The following PCDH7 variants were observed in gnomAD, a reference collection of about 807,000 sequenced individuals.
The protein encoded by PCDH7 is protocadherin 7.
In PCDH7, 17 loss-of-function variants were observed where a neutral mutation model predicts 58.9. The ratio of observed to expected loss-of-function variants is 0.29; its 90% CI spans 0.20 to 0.43. The LOEUF is 0.43. Among genes scored for constraint, PCDH7 ranks in the 20% least tolerant of loss-of-function variants. The pLI, the probability that PCDH7 is intolerant of heterozygous loss-of-function variation, is 1.00. For missense variants in PCDH7, 1,274 were observed against 1,441.0 expected (o/e 0.88, Z 1.88); for synonymous variants, 664 against 616.4 (o/e 1.08, Z -1.14).
chr4:31,036,612 A>C (rs886690390), intron 3 of PCDH7, among the ~76,000 whole-genome samples: 1 of 152,202 alleles, frequency 6.6e-6, no homozygotes, highest in Non-Finnish European at 1.5e-5. Context: ...TAGAGAGTGA[A>C]CTATATAATG....
At chr4:30,986,444 C>T (rs1217441335) in intron 3 of PCDH7, among the ~76,000 whole-genome samples, 1 of 152,012 alleles carries the variant, frequency 6.6e-6, no homozygotes, top group African/African-American at 2.4e-5. Context: ...AAAAAACCCA[C>T]CTATTTCTAC....
chr4:30,857,496 A>G (rs1030395238), intron 1 of PCDH7, among the ~76,000 whole-genome samples: 1 of 152,142 alleles, frequency 6.6e-6, no homozygotes, highest in Non-Finnish European at 1.5e-5. Context: ...AACTTCCTGC[A>G]AATCTTACAA....
chr4:30,891,667 T>C (rs1267142118), intron 1 of PCDH7, among the ~76,000 whole-genome samples: 1 of 152,074 alleles, frequency 6.6e-6, no homozygotes, highest in African/African-American at 2.4e-5. Flanking sequence ...AACTCCATCA[T>C]GGGAAGGGCA....
intron 1 of PCDH7, among the ~76,000 whole-genome samples, chr4:30,831,760 A>G (rs1005702710): frequency 6.6e-5 from 10 of 152,156 alleles, no homozygotes; most frequent in African/African-American, 2.4e-4. Flanking sequence ...CTACTGAAAC[A>G]GAATCTCATC....
intron 3 of PCDH7, among the ~76,000 whole-genome samples, chr4:30,959,246 CT>C (rs35379459): frequency 0.2 from 29,153 of 143,600 alleles, 3,351 homozygotes; most frequent in South Asian, 0.28. Context: ...ATTGGAAAGT[CT>C]TTTTTTTTTT....
chr4:31,045,131 A>G (rs1445944728), intron 3 of PCDH7, among the ~76,000 whole-genome samples: 1 of 142,900 alleles, frequency 7.0e-6, no homozygotes, highest in Non-Finnish European at 1.5e-5. Context: ...CATGGTGGTG[A>G]CACAGAAATT....
intron 3 of PCDH7, among the ~76,000 whole-genome samples, chr4:31,072,739 G>A (rs1045543367): frequency 7.9e-5 from 12 of 152,046 alleles, no homozygotes; most frequent in African/African-American, 2.4e-4. Context: ...ATGGAATGAT[G>A]GCTGACATAT....
At chr4:30,877,476 G>A (rs1401933760) in intron 1 of PCDH7, among the ~76,000 whole-genome samples, 2 of 152,164 alleles carry the variant, frequency 1.3e-5, no homozygotes, top group Non-Finnish European at 2.9e-5. Context: ...AGGCAACCGT[G>A]CTTTTGTGTA....
chr4:31,019,382 C>G (rs1188501954), intron 3 of PCDH7, among the ~76,000 whole-genome samples: 2 of 151,946 alleles, frequency 1.3e-5, no homozygotes, highest in African/African-American at 4.8e-5. Context: ...CATGTCTGGG[C>G]CAGGGGATAA....
At chr4:31,030,113 T>G (rs1754768985) in intron 3 of PCDH7, among the ~76,000 whole-genome samples, 2 of 138,894 alleles carry the variant, frequency 1.4e-5, no homozygotes, top group South Asian at 2.3e-4. Context: ...ACAGCCTTTG[T>G]GTGGGTTGCG....
At chr4:30,947,415 T>C (rs1469590323) in intron 2 of PCDH7, among the ~76,000 whole-genome samples, 2 of 152,250 alleles carry the variant, frequency 1.3e-5, no homozygotes, top group Non-Finnish European at 2.9e-5. Flanking sequence ...TGTTACCAGG[T>C]GAAAATCTAA....
chr4:30,915,975 T>C (rs1742419551), intron 1 of PCDH7, among the ~76,000 whole-genome samples: 1 of 152,226 alleles, frequency 6.6e-6, no homozygotes, highest in African/African-American at 2.4e-5. Context: ...TCCTGAGTGT[T>C]ACAGCATGTT....
chr4:30,948,947 C>T (rs1747035554), intron 2 of PCDH7, among the ~76,000 whole-genome samples: 1 of 152,112 alleles, frequency 6.6e-6, no homozygotes, highest in Non-Finnish European at 1.5e-5. Context: ...GTTTTCCAAA[C>T]CCTAATGATC....
At chr4:31,054,832 G>T (rs1485188727) in intron 3 of PCDH7, among the ~76,000 whole-genome samples, 1 of 151,986 alleles carries the variant, frequency 6.6e-6, no homozygotes, top group Non-Finnish European at 1.5e-5. Context: ...TTTATTTTTA[G>T]AACTTAATTC....
intron 3 of PCDH7, among the ~76,000 whole-genome samples, chr4:31,014,113 T>C (rs1246424771): frequency 6.6e-6 from 1 of 151,892 alleles, no homozygotes; most frequent in African/African-American, 2.4e-5. Flanking sequence ...TCATTTAAAA[T>C]CCTGATTTAC....
intron 3 of PCDH7, among the ~76,000 whole-genome samples, chr4:31,029,032 C>T (rs768666629): frequency 6.6e-6 from 1 of 152,130 alleles, no homozygotes; most frequent in African/African-American, 2.4e-5. Flanking sequence ...ATTTCAGAAA[C>T]AATTACAAAA....
At chr4:31,045,714 A>G (rs1489479525) in intron 3 of PCDH7, among the ~76,000 whole-genome samples, 1 of 151,976 alleles carries the variant, frequency 6.6e-6, no homozygotes, top group African/African-American at 2.4e-5. Context: ...ATAAAAACCA[A>G]TACTACCCCA....
intron 1 of PCDH7, among the ~76,000 whole-genome samples, chr4:30,914,933 C>A (rs1283229398): frequency 6.6e-6 from 1 of 152,034 alleles, no homozygotes; most frequent in East Asian, 1.9e-4. Flanking sequence ...TGTACTGTTT[C>A]TTTCCCATTA....
At chr4:30,777,683 A>G (rs950606930) in intron 1 of PCDH7, among the ~76,000 whole-genome samples, 2 of 152,126 alleles carry the variant, frequency 1.3e-5, no homozygotes, top group Non-Finnish European at 2.9e-5. Context: ...ACTCACCTTT[A>G]GTAAGAGTGG....
Sources: allele counts gnomAD v4.1 joint callset (sites outside exome capture counted in the v4.1 genomes callset), GRCh38; gene constraint gnomAD v4.1.1; transcripts MANE v1.5; gene names NCBI Gene and HGNC (gene_info 2026-07-23, HGNC 2026-07-21).